Variants in GARRE1 observed in about 807,000 individuals in gnomAD.
The protein encoded by GARRE1 is granule associated Rac and RHOG effector 1, also known as granule associated Rac and RHOG effector protein 1.
In GARRE1, 49 loss-of-function variants were observed where a neutral mutation model predicts 103.2. The ratio of observed to expected loss-of-function variants is 0.47; its 90% CI spans 0.38 to 0.60. The LOEUF is 0.60. Among genes scored for constraint, GARRE1 ranks in the 20% least tolerant of loss-of-function variants. The pLI is 0.00. For synonymous variants in GARRE1, 505 were observed against 532.8 expected (o/e 0.95, Z 0.72); for missense variants, 1,199 against 1,370.5 (o/e 0.87, Z 1.98).
At chr19:34,311,366 C>T (rs894347149) in intron 2 of GARRE1, among the ~76,000 whole-genome samples, 1 of 152,038 alleles carries the variant, frequency 6.6e-6, no homozygotes, top group African/African-American at 2.4e-5. Context: ...TGGGATATCT[C>T]CTTAAGGGGA....
intron 8 of GARRE1, among the ~76,000 whole-genome samples, chr19:34,338,451 C>T (rs328403): frequency 0.43 from 65,422 of 152,064 alleles, 17,089 homozygotes; most frequent in Non-Finnish European, 0.59. Flanking sequence ...ATGGGAAGAT[C>T]GCTTGAGCCC....
chr19:34,302,766 A>T (rs552027233), intron 2 of GARRE1, among the ~76,000 whole-genome samples: 1 of 143,700 alleles, frequency 7.0e-6, no homozygotes, highest in African/African-American at 2.6e-5. Flanking sequence ...TTTTTAAAAG[A>T]CAGAGTCTCT....
intron 1 of GARRE1, among the ~76,000 whole-genome samples, chr19:34,280,003 A>G (rs36075840): frequency 0.43 from 63,419 of 147,190 alleles, 16,822 homozygotes; most frequent in Non-Finnish European, 0.59. Flanking sequence ...AAAAAAAAAA[A>G]AAAAGTGGTT....
At chr19:34,338,701 G>A (rs1306288379) in intron 8 of GARRE1, among the ~76,000 whole-genome samples, 1 of 152,200 alleles carries the variant, frequency 6.6e-6, no homozygotes, top group Non-Finnish European at 1.5e-5. Flanking sequence ...ATCCAGGGAG[G>A]AAGAGAAGGC....
At chr19:34,268,132 C>T (rs1272048266) in intron 1 of GARRE1, among the ~76,000 whole-genome samples, 1 of 151,788 alleles carries the variant, frequency 6.6e-6, no homozygotes, top group African/African-American at 2.4e-5. Context: ...CCCTGATTTA[C>T]ACTTGAATTT....
intron 1 of GARRE1, among the ~76,000 whole-genome samples, chr19:34,261,859 G>C (rs1455743115): frequency 1.3e-5 from 2 of 152,172 alleles, no homozygotes; most frequent in Non-Finnish European, 2.9e-5. Flanking sequence ...TCGACTCACT[G>C]CGCTAACCAG....
chr19:34,267,291 C>T (rs1369256618), intron 1 of GARRE1, among the ~76,000 whole-genome samples: 1 of 152,162 alleles, frequency 6.6e-6, no homozygotes, highest in Non-Finnish European at 1.5e-5. Flanking sequence ...CTCAATCTCC[C>T]TGGCTGAAAC....
chr19:34,257,012 A>T (rs1246113454), intron 1 of GARRE1, among the ~76,000 whole-genome samples: 5 of 152,162 alleles, frequency 3.3e-5, no homozygotes, highest in Non-Finnish European at 5.9e-5. Context: ...GTGGCATTTG[A>T]GATTCTAATC....
Position 34,328,022 on chromosome 19 carries a change from G to C in GARRE1, c.975G>C (p.Thr325=). The change falls in exon 6 of 14, where the codon ACG becomes ACC. Residue 325 remains threonine, a synonymous_variant. Coordinates refer to ENST00000299505, the MANE Select transcript of GARRE1 (RefSeq NM_014686.5). The part of the protein sequence containing the change: ...GCCSEAEAQQ[T]GRRQTPPQPM... The stretch of plus-strand genomic sequence containing the variant: ...GCAGCGAGGCGGAAGCCCAGCAGAC[G>C]GGGCGGAGGCAGACACCCCCGCAGC... 2 of 1,614,068 alleles carry C rather than the reference G, an allele frequency of 1.2e-6. No homozygotes were observed. The highest frequency in any genetic ancestry group is 2.2e-5 in the South Asian group (2 of 91,078).
At chr19:34,297,630 C>T (rs1253211804) in intron 1 of GARRE1, among the ~76,000 whole-genome samples, 1 of 152,200 alleles carries the variant, frequency 6.6e-6, no homozygotes, top group Admixed American at 6.5e-5. Flanking sequence ...TCAGAGGCCA[C>T]AGAGTCTCCA....
intron 2 of GARRE1, among the ~76,000 whole-genome samples, chr19:34,305,181 T>G (rs1327732043): frequency 6.6e-6 from 1 of 152,252 alleles, no homozygotes; most frequent in African/African-American, 2.4e-5. Context: ...ACTTCTACTT[T>G]CCTTTAGCAC....
chr19:34,307,323 C>T (rs989316603), intron 2 of GARRE1, among the ~76,000 whole-genome samples: 3 of 152,044 alleles, frequency 2.0e-5, no homozygotes, highest in Non-Finnish European at 4.4e-5. Flanking sequence ...AGCTCCAGGG[C>T]TCTGGTTTTA....
chr19:34,293,405 T>TTA (rs2073928665), intron 1 of GARRE1, among the ~76,000 whole-genome samples: 1 of 149,078 alleles, frequency 6.7e-6, no homozygotes, highest in Admixed American at 6.7e-5. Context: ...CTTGGAGCAT[T>TTA]TTTTTTTTTT....
At chr19:34,329,598 G>A (rs1479999237) in intron 6 of GARRE1, among the ~76,000 whole-genome samples, 1 of 152,186 alleles carries the variant, frequency 6.6e-6, no homozygotes, top group East Asian at 1.9e-4. Flanking sequence ...CACTTTGGGA[G>A]GCCGAGGTGG....
In GARRE1 at chr19:34,341,612, A is replaced by G; in HGVS notation, c.1678A>G (p.Ile560Val). ...TSSSSSTNYSIQNTPSKNIFI... is the reference protein window; with the variant it reads ...TSSSSSTNYSVQNTPSKNIFI... Reference sequence around the variant, plus strand: ...CTCCAGCAGCAGCACAAATTATTCCATCCAAAATACCCCTTCCAAAAACAT... The same window carrying G: ...CTCCAGCAGCAGCACAAATTATTCCGTCCAAAATACCCCTTCCAAAAACAT... Residue 560 changes from isoleucine (I) to valine (V), a missense_variant, in exon 10 of 14, where the codon ATC (isoleucine) becomes GTC (valine). Ile to Val is a conservative substitution (Grantham distance 29). Transcript: ENST00000299505. 1 of 1,614,186 alleles carries G rather than the reference A, an allele frequency of 6.2e-7. No individual in the cohort carries two copies. The highest frequency in any genetic ancestry group is 8.5e-7 in the Non-Finnish European group (1 of 1,180,030).
chr19:34,330,147 G>T, intron 6 of GARRE1, 42 bp from the exon 7 acceptor site: 5 of 1,571,164 alleles, frequency 3.2e-6, no homozygotes, highest in Non-Finnish European at 4.4e-6. Flanking sequence ...ACCTTGCATG[G>T]CTTTGTCTTG....
intron 1 of GARRE1, among the ~76,000 whole-genome samples, chr19:34,273,301 C>T (rs1568524955): frequency 6.6e-6 from 1 of 152,228 alleles, no homozygotes; most frequent in Non-Finnish European, 1.5e-5. Flanking sequence ...TATTTGATAT[C>T]TAAAGCTCCA....
At chr19:34,256,496 G>A (rs1212990799) in intron 1 of GARRE1, among the ~76,000 whole-genome samples, 1 of 151,164 alleles carries the variant, frequency 6.6e-6, no homozygotes, top group Middle Eastern at 3.2e-3. Flanking sequence ...CTCCAGCCTG[G>A]GCAACAGAGT....
chr19:34,330,548 A>G (rs982029715), intron 7 of GARRE1, among the ~76,000 whole-genome samples: 1 of 152,158 alleles, frequency 6.6e-6, no homozygotes, highest in Non-Finnish European at 1.5e-5. Flanking sequence ...CAGATTGATA[A>G]TATATATTTG....
Sources: gnomAD v4.1 joint callset for allele counts (sites outside exome capture counted in the v4.1 genomes callset) on GRCh38, gnomAD v4.1.1 for gene constraint, MANE v1.5 for transcripts, NCBI Gene and HGNC (gene_info 2026-07-23, HGNC 2026-07-21) for gene names.